Variants in CNGB3 observed in about 807,000 individuals in gnomAD.
CNGB3 encodes cyclic nucleotide-gated channel beta-3.
Under a neutral mutation model 92.8 loss-of-function variants are expected in CNGB3, and 86 were observed. That is an observed-to-expected ratio of 0.93 (90% CI 0.78 to 1.11). The LOEUF (loss-of-function observed/expected upper bound fraction) is 1.11, where lower values mean the gene tolerates loss of function less well. Ranked by LOEUF, CNGB3 falls within the 50% of genes least tolerant of loss-of-function variation. The pLI, the probability that CNGB3 is intolerant of heterozygous loss-of-function variation, is 0.00. For synonymous variants in CNGB3, 333 were observed against 332.7 expected (o/e 1.00, Z -0.01); for missense variants, 1,026 against 956.8 (o/e 1.07, Z -0.95).
chr8:86,595,283 T>C (rs1216018733), intron 15 of CNGB3, among the ~76,000 whole-genome samples: 1 of 152,226 alleles, frequency 6.6e-6, no homozygotes, highest in Non-Finnish European at 1.5e-5. Context: ...GCTGGTGTGA[T>C]AAGACATGTC....
intron 15 of CNGB3, among the ~76,000 whole-genome samples, chr8:86,591,547 T>C (rs948880602): frequency 7.0e-4 from 106 of 151,148 alleles, no homozygotes; most frequent in South Asian, 1.7e-3. Context: ...TTTGTTAGTT[T>C]TCCTTCTAAC....
At position 86,709,208 on chromosome 8, in the gene CNGB3, G is replaced by A. The variant is rs1824705738; in HGVS notation, c.338+17323C>T. ...GTGGCCTTAGATGCAAGTTTGTTTG[G>A]TTCATTCATTGTTATAGAAGTAGAA... On this transcript the variant is annotated intron_variant, in intron 3 of 17. Transcript: ENST00000320005. Among the ~76,000 whole-genome samples the A allele has an allele frequency of 2.0e-5, 3 of 152,244 alleles. No homozygotes were observed. In the South Asian group the frequency reaches 6.2e-4, roughly 32 times the overall value.
chr8:86,622,372 CT>C (rs1822754767), intron 13 of CNGB3, among the ~76,000 whole-genome samples: 1 of 109,060 alleles, frequency 9.2e-6, no homozygotes, highest in South Asian at 2.8e-4. Context: ...TGGGGCCATT[CT>C]TCTTTTTTTT....
At chr8:86,660,180 AT>A in intron 6 of CNGB3, 1 of 296,464 alleles carries the variant, frequency 3.4e-6, no homozygotes, top group Non-Finnish European at 6.9e-6. Flanking sequence ...GCCATTTTTC[AT>A]TTTCTCCTTT....
chr8:86,707,650 T>C (rs1189161503), intron 3 of CNGB3: 1 of 152,278 alleles, frequency 6.6e-6, no homozygotes, highest in Non-Finnish European at 1.5e-5. Context: ...GGGAAACCAC[T>C]GGAGAATCTA....
At chr8:86,583,306 A>G (rs984978746) in intron 15 of CNGB3, among the ~76,000 whole-genome samples, 2 of 152,238 alleles carry the variant, frequency 1.3e-5, no homozygotes, top group African/African-American at 4.8e-5. Flanking sequence ...CAGCAATGTC[A>G]TAAGGGCTGA....
intron 3 of CNGB3, among the ~76,000 whole-genome samples, chr8:86,715,440 G>T (rs1824833698): frequency 6.6e-6 from 1 of 152,008 alleles, no homozygotes; most frequent in Admixed American, 6.6e-5. Context: ...ACCCAGAAGG[G>T]CAAAAACAAT....
At chr8:86,678,239 G>C (rs1824012736) in intron 3 of CNGB3, among the ~76,000 whole-genome samples, 1 of 152,136 alleles carries the variant, frequency 6.6e-6, no homozygotes, top group Admixed American at 6.5e-5. Context: ...TTTTTGGTGA[G>C]AATACATTTC....
At chr8:86,587,281 G>T (rs1368207550) in intron 15 of CNGB3, among the ~76,000 whole-genome samples, 1 of 151,908 alleles carries the variant, frequency 6.6e-6, no homozygotes, top group Non-Finnish European at 1.5e-5. Context: ...CTCCCATTTT[G>T]TAGGTTGCCT....
At chr8:86,576,270 T>C in intron 17 of CNGB3, 140 bp from the exon 18 acceptor site, 1 of 948,516 alleles carries the variant, frequency 1.1e-6, no homozygotes, top group Non-Finnish European at 1.6e-6. Flanking sequence ...CATGTCTGCT[T>C]TGCTTCTGAC....
rs141412096 is a variant in CNGB3 at position 86,710,478 on chromosome 8, C to A, written c.338+16053G>T. The stretch of plus-strand genomic sequence containing the variant: ...TTCCTCCTCCCAAGAGGATGAAGAT[C>A]TTAAGAAACACAGTAGTCATCCATT... On this transcript the variant is annotated intron_variant, in intron 3 of 17. Coordinates refer to ENST00000320005, the MANE Select transcript of CNGB3 (RefSeq NM_019098.5). Among the ~76,000 whole-genome samples, 1,309 of 152,162 alleles carry A rather than the reference C, an allele frequency of 8.6e-3. 16 individuals carry two copies. The highest frequency in any genetic ancestry group is 0.03 in the African/African-American group (1,232 of 41,534).
intron 3 of CNGB3, among the ~76,000 whole-genome samples, chr8:86,702,481 C>T (rs569969476): frequency 6.6e-6 from 1 of 152,182 alleles, no homozygotes; most frequent in Admixed American, 6.5e-5. Flanking sequence ...TTATTTATTT[C>T]CCTGTAATAA....
intron 3 of CNGB3, among the ~76,000 whole-genome samples, chr8:86,673,942 A>T (rs1010230938): frequency 2.0e-5 from 3 of 152,234 alleles, no homozygotes; most frequent in Non-Finnish European, 2.9e-5. Flanking sequence ...GAAGTGATTT[A>T]TGTGTATAAC....
chr8:86,712,648 G>A (rs916126429), intron 3 of CNGB3, among the ~76,000 whole-genome samples: 5 of 151,548 alleles, frequency 3.3e-5, no homozygotes, highest in Admixed American at 6.6e-5. Flanking sequence ...TTTGATTCAT[G>A]TGCTAATATC....
At chr8:86,655,331 G>A (rs1169114087) in intron 6 of CNGB3, among the ~76,000 whole-genome samples, 1 of 152,008 alleles carries the variant, frequency 6.6e-6, no homozygotes, top group African/African-American at 2.4e-5. Flanking sequence ...ATGATTTTAA[G>A]GAAAAAAGTG....
chr8:86,708,202 T>C (rs750527418), intron 3 of CNGB3, among the ~76,000 whole-genome samples: 19 of 152,072 alleles, frequency 1.2e-4, no homozygotes, highest in South Asian at 2.1e-4. Flanking sequence ...AGAATCTAGG[T>C]AAAGAAGGGG....
At chr8:86,635,054 TA>T (rs1823036983) in intron 10 of CNGB3, among the ~76,000 whole-genome samples, 1 of 151,762 alleles carries the variant, frequency 6.6e-6, no homozygotes, top group African/African-American at 2.4e-5. Flanking sequence ...GCCAAGAGAA[TA>T]AAAATGTTAC....
At chr8:86,671,156 A>C in intron 3 of CNGB3, 58 bp from the exon 4 acceptor site, 2 of 1,581,678 alleles carry the variant, frequency 1.3e-6, no homozygotes, top group Non-Finnish European at 1.7e-6. Context: ...GATATAAGGG[A>C]AAGATTAAAT....
Position 86,658,952 on chromosome 8 carries a change from C to T in CNGB3, c.853-4890G>A, listed in dbSNP as rs547159821. The T allele has an allele frequency of 5.6e-6, 6 of 1,076,372 alleles. No individual in the cohort carries two copies. In the African/African-American group the frequency reaches 6.0e-5, roughly 11 times the overall value. 66.7% of individuals were successfully genotyped at this position (1,076,372 alleles called of 1,614,324 possible). On this transcript the variant is annotated intron_variant, in intron 6 of 17. Coordinates refer to ENST00000320005, the MANE Select transcript of CNGB3 (RefSeq NM_019098.5). ...CCTCCTGCTCTCGGTTCAGGAGACT[C>T]AAGCCCTCATTGTCTTGCACCTGGG...
Sources: allele counts gnomAD v4.1 joint callset (sites outside exome capture counted in the v4.1 genomes callset), GRCh38; gene constraint gnomAD v4.1.1; transcripts MANE v1.5; gene names NCBI Gene and HGNC (gene_info 2026-07-23, HGNC 2026-07-21).